BNC1: variants seen among roughly 807,000 people sequenced by gnomAD.
The protein encoded by BNC1 is zinc finger protein basonuclin-1.
In BNC1, 8 loss-of-function variants were observed where a neutral mutation model predicts 66.5. The observed-to-expected ratio is 0.12, with a 90% confidence interval of 0.07 to 0.22. BNC1 has a LOEUF of 0.22. BNC1 is among the 10% of genes least tolerant of loss of function. The probability of loss-of-function intolerance (pLI) is 1.00; values close to 1 mark genes in which losing one functional copy is unlikely to be tolerated. For synonymous variants in BNC1, 454 were observed against 452.6 expected (o/e 1.00, Z -0.04); for missense variants, 1,069 against 1,241.3 (o/e 0.86, Z 2.09).
chr15:83,283,337 GGGCTCCGGGTCTGGGCGGC>G lies in BNC1; in HGVS notation c.99+1174_99+1192del, dbSNP rs973851353. On this transcript the variant is annotated intron_variant, in intron 1 of 4. Coordinates refer to ENST00000345382, the MANE Select transcript of BNC1 (RefSeq NM_001717.4). Reference sequence around the variant, plus strand: ...ACTCCGGCAAAGCCAGGCGGCGGCGGGGCTCCGGGTCTGGGCGGCGGCTCCGGAGGAGCAGCGGGAGACC... The same window carrying G: ...ACTCCGGCAAAGCCAGGCGGCGGCGGGGCTCCGGAGGAGCAGCGGGAGACC... 1.5e-4 allele frequency: 218 copies of G among 1,467,184 alleles called. 1 individual carries two copies. The highest frequency in any genetic ancestry group is 4.5e-4 in the Middle Eastern group (2 of 4,480). The allele number at this position is 1,467,184 out of a possible 1,614,324, so 90.9% of individuals were successfully genotyped here. A position where few individuals can be genotyped will look rare whatever the true frequency, so the allele number is the denominator to read the frequency against.
In BNC1 at chr15:83,263,720, G is replaced by A. The variant is rs2151435770; in HGVS notation, c.1531C>T (p.Leu511Phe). 2 of 1,614,240 alleles carry A rather than the reference G, an allele frequency of 1.2e-6. No individual in the cohort carries two copies. The highest frequency in any genetic ancestry group is 1.7e-6 in the Non-Finnish European group (2 of 1,180,050). ...VANTPGILPSLPLLSSSIPEQ... is the reference protein window; with the variant it reads ...VANTPGILPSFPLLSSSIPEQ... ...GGGATTGAAGAGGACAACAGCGGGA[G>A]GGAAGGGAGTATCCCAGGCGTGTTT... The change falls in exon 4 of 5, where the codon CTC (leucine) becomes TTC (phenylalanine). Residue 511 changes from leucine (L) to phenylalanine (F), a missense_variant. Transcript: ENST00000345382.
intron 1 of BNC1, among the ~76,000 whole-genome samples, chr15:83,284,303 C>G (rs2038419620): frequency 6.6e-6 from 1 of 151,888 alleles, no homozygotes; most frequent in Non-Finnish European, 1.5e-5. Context: ...AGCTCCGGGA[C>G]GTCGGGCAGG....
At chr15:83,272,315 C>T (rs1196962988) in intron 1 of BNC1, among the ~76,000 whole-genome samples, 1 of 151,992 alleles carries the variant, frequency 6.6e-6, no homozygotes, top group African/African-American at 2.4e-5. Flanking sequence ...AATGCAACCT[C>T]CACCTCCCAG....
chr15:83,273,573 C>A (rs2038289038), intron 1 of BNC1, among the ~76,000 whole-genome samples: 1 of 152,206 alleles, frequency 6.6e-6, no homozygotes, highest in Admixed American at 6.5e-5. Flanking sequence ...TGATGTGCTA[C>A]AAATCAACAT....
intron 1 of BNC1, among the ~76,000 whole-genome samples, chr15:83,279,112 G>A (rs72758351): frequency 0.022 from 3,283 of 152,152 alleles, 51 homozygotes; most frequent in Non-Finnish European, 0.035. Flanking sequence ...TAATTTTTTA[G>A]GTGCTCTATG....
rs114536576 is a variant in BNC1 at position 83,262,153 on chromosome 15, T to C, written c.2300+798A>G. ...ATCTCTGCCTCTCGGGTTCAAACGT[T>C]TCTCCTGCCTCTGCCTTCCCAGTGG... On this transcript the variant is annotated intron_variant, in intron 4 of 4. Transcript: ENST00000345382. Among the ~76,000 whole-genome samples the C allele has an allele frequency of 3.2e-3, 492 of 152,064 alleles. 3 individuals are homozygous for C. Among genetic ancestry groups the C allele is most frequent in the African/African-American group, 0.011 (476 of 41,458 alleles).
At chr15:83,281,720 G>T (rs2038380460) in intron 1 of BNC1, among the ~76,000 whole-genome samples, 1 of 152,210 alleles carries the variant, frequency 6.6e-6, no homozygotes, top group African/African-American at 2.4e-5. Context: ...CTGACAAATT[G>T]AACTTTTAAA....
chr15:83,277,621 G>C (rs963895036), intron 1 of BNC1, among the ~76,000 whole-genome samples: 2 of 152,068 alleles, frequency 1.3e-5, no homozygotes, highest in Non-Finnish European at 2.9e-5. Context: ...TTTTTTCTAA[G>C]TAGTACTTTT....
In BNC1 at chr15:83,265,577, T is replaced by A. The variant is rs559226749; in HGVS notation, c.436-762A>T. 4.6e-5 allele frequency among the ~76,000 whole-genome samples: 7 copies of A among 152,304 alleles called. No homozygotes were observed. In the East Asian group the frequency reaches 1.2e-3, roughly 25 times the overall value. ...TCCTAACACTAGAAAGCAAGATTAT[T>A]AGGATCATTAAATATTGATCTATGT... On this transcript the variant is annotated intron_variant, in intron 3 of 4. Coordinates refer to ENST00000345382, the MANE Select transcript of BNC1 (RefSeq NM_001717.4).
intron 1 of BNC1, among the ~76,000 whole-genome samples, chr15:83,281,305 T>G (rs1326152869): frequency 2.0e-5 from 3 of 152,168 alleles, no homozygotes; most frequent in South Asian, 2.1e-4. Context: ...TTGAGCAGAA[T>G]CCAGTTATCT....
At position 83,256,324 on chromosome 15, in the gene BNC1, A is replaced by G. The variant is rs1339514494; in HGVS notation, c.*1118T>C. 1 of 152,674 alleles carries G rather than the reference A, an allele frequency of 6.5e-6. No homozygotes were observed. Among genetic ancestry groups the G allele is most frequent in the Non-Finnish European group, 1.5e-5 (1 of 68,052 alleles). The allele number at this position is 152,674 out of a possible 1,614,324, so 9.5% of individuals were successfully genotyped here. A position where few individuals can be genotyped will look rare whatever the true frequency, so the allele number is the denominator to read the frequency against. ...CTGAACTTCCTTTCTACCATGGAAAATGTATGTAACAGTGTGGAATATATT... is the reference window on the plus strand; with the variant it reads ...CTGAACTTCCTTTCTACCATGGAAAGTGTATGTAACAGTGTGGAATATATT... On this transcript the variant is annotated 3_prime_UTR_variant, in exon 5 of 5. Coordinates refer to ENST00000345382, the MANE Select transcript of BNC1 (RefSeq NM_001717.4).
intron 1 of BNC1, among the ~76,000 whole-genome samples, chr15:83,270,482 C>T (rs2038259316): frequency 6.6e-6 from 1 of 152,174 alleles, no homozygotes; most frequent in African/African-American, 2.4e-5. Context: ...TCTCCACATC[C>T]TCATCAACAC....
In BNC1 at chr15:83,264,381, TAAG is replaced by T. The variant is rs1251616043; in HGVS notation, c.867_869del (p.Phe289del). On this transcript the variant is annotated inframe_deletion, in exon 4 of 5. Transcript: ENST00000345382. The stretch of plus-strand genomic sequence containing the variant: ...CCTGAAATGGTGTGGAACTGGAAGT[TAAG>T]AAGCTGCTGTCAGGGAAGGGCCCAT... 2.5e-6 allele frequency: 4 copies of T among 1,614,188 alleles called. No homozygotes were observed. In the East Asian group the frequency reaches 8.9e-5, roughly 36 times the overall value.
intron 1 of BNC1, among the ~76,000 whole-genome samples, chr15:83,270,016 G>T (rs759152602): frequency 2.7e-4 from 41 of 152,192 alleles, no homozygotes; most frequent in Non-Finnish European, 5.3e-4. Flanking sequence ...GAAATGTCAA[G>T]AACAGGCCAA....
chr15:83,268,034 G>A (rs1310370383), intron 2 of BNC1, 99 bp downstream of exon 2: 3 of 993,072 alleles, frequency 3.0e-6, no homozygotes, highest in Admixed American at 4.2e-5. Flanking sequence ...TAGTTTACTA[G>A]TTAGTTGTCA....
chr15:83,271,475 GA>G (rs1308134529), intron 1 of BNC1, among the ~76,000 whole-genome samples: 1 of 152,166 alleles, frequency 6.6e-6, no homozygotes, highest in Non-Finnish European at 1.5e-5. Context: ...AAATGTGGGA[GA>G]AAAGGTTTTG....
At position 83,257,890 on chromosome 15, in the gene BNC1, T is replaced by C. The variant is rs779157483; in HGVS notation, c.2537A>G (p.Asn846Ser). 8 of 1,613,926 alleles carry C rather than the reference T, an allele frequency of 5.0e-6. No homozygotes were observed. The Admixed American group carries it at 1.3e-4, about 27-fold the overall frequency. ...QVHSASLESY[N>S]SGPLSEGTIL... ...GGTGCCCTCGCTCAAGGGGCCAGAG[T>C]TGTAGCTCTCCAGGCTGGCACTGTG... is the stretch of plus-strand genomic sequence containing the variant. The change falls in exon 5 of 5, where the codon AAC becomes AGC. Residue 846 changes from asparagine (N) to serine (S), a missense_variant. Coordinates refer to ENST00000345382, the MANE Select transcript of BNC1 (RefSeq NM_001717.4).
chr15:83,262,912 C>G, intron 4 of BNC1, 39 bp downstream of exon 4: 1 of 1,542,874 alleles, frequency 6.5e-7, no homozygotes, highest in Non-Finnish European at 8.7e-7. Context: ...CTTGAAGAGC[C>G]ACTGCCTTAG....
At chr15:83,275,551 G>A (rs2038312346) in intron 1 of BNC1, among the ~76,000 whole-genome samples, 1 of 151,982 alleles carries the variant, frequency 6.6e-6, no homozygotes, top group African/African-American at 2.4e-5. Flanking sequence ...GGGTGGCATG[G>A]AGGGATAGGG....
Sources: allele counts gnomAD v4.1 joint callset (sites outside exome capture counted in the v4.1 genomes callset), GRCh38; gene constraint gnomAD v4.1.1; transcripts MANE v1.5; gene names NCBI Gene and HGNC (gene_info 2026-07-23, HGNC 2026-07-21).